The following PKP2 variants were observed in gnomAD, a reference collection of about 807,000 sequenced individuals.
PKP2 encodes plakophilin-2.
In PKP2, 73 loss-of-function variants were observed where a neutral mutation model predicts 83.4. The observed-to-expected ratio is 0.88, with a 90% CI of 0.72 to 1.06. The LOEUF (loss-of-function observed/expected upper bound fraction) is 1.06, where lower values mean the gene tolerates loss of function less well. Among genes scored for constraint, PKP2 ranks in the 50% least tolerant of loss-of-function variants. The pLI is 0.00. For missense variants in PKP2, 966 were observed against 1,065.4 expected (o/e 0.91, Z 1.30); for synonymous variants, 409 against 430.4 (o/e 0.95, Z 0.62).
chr12:32,851,042 C>A (rs750994778), intron 4 of PKP2, 69 bp from the exon 5 acceptor site: 1 of 1,276,072 alleles, frequency 7.8e-7, no homozygotes, highest in Admixed American at 1.7e-5. Context: ...CAATGTAATA[C>A]AAACAGATGA....
intron 6 of PKP2, among the ~76,000 whole-genome samples, chr12:32,836,725 G>T (rs1237681671): frequency 6.6e-6 from 1 of 152,026 alleles, no homozygotes; most frequent in Non-Finnish European, 1.5e-5. Flanking sequence ...TAAGATATTC[G>T]GTAACATTCA....
At chr12:32,805,109 G>A (rs1442867958) in intron 9 of PKP2, among the ~76,000 whole-genome samples, 1 of 151,336 alleles carries the variant, frequency 6.6e-6, no homozygotes, top group East Asian at 1.9e-4. Context: ...CTTTTGAGAA[G>A]AGTCTGTTCA....
At chr12:32,868,891 T>C in intron 4 of PKP2, 36 bp downstream of exon 4, 2 of 1,603,734 alleles carry the variant, frequency 1.2e-6, no homozygotes, top group South Asian at 1.1e-5. Context: ...AGTGAAAGTG[T>C]GTTGCGCTTT....
intron 9 of PKP2, among the ~76,000 whole-genome samples, chr12:32,817,195 T>G (rs1956328228): frequency 6.6e-6 from 1 of 152,196 alleles, no homozygotes; most frequent in South Asian, 2.1e-4. Context: ...GGACTCCCTA[T>G]TCAATAAATG....
chr12:32,851,594 G>A (rs1041294493), intron 4 of PKP2, among the ~76,000 whole-genome samples: 5 of 151,946 alleles, frequency 3.3e-5, no homozygotes, highest in African/African-American at 1.2e-4. Flanking sequence ...TCAGCCTCCT[G>A]GGTAGCTGGG....
chr12:32,838,244 A>G (rs1299428461), intron 6 of PKP2, among the ~76,000 whole-genome samples: 1 of 152,178 alleles, frequency 6.6e-6, no homozygotes, highest in Non-Finnish European at 1.5e-5. Flanking sequence ...CAAATATCAC[A>G]TGTTCTCACT....
chr12:32,827,959 C>T (rs1253513725), intron 6 of PKP2, among the ~76,000 whole-genome samples: 1 of 152,088 alleles, frequency 6.6e-6, no homozygotes, highest in Non-Finnish European at 1.5e-5. Context: ...AAAACAGGTC[C>T]TTAGGGGTTG....
intron 4 of PKP2, among the ~76,000 whole-genome samples, chr12:32,853,083 C>CA (rs934006837): frequency 2.6e-5 from 4 of 151,468 alleles, no homozygotes; most frequent in Admixed American, 6.6e-5. Context: ...GACTCCATCT[C>CA]AAAAAAAATA....
chr12:32,805,258 G>C (rs948393607), intron 9 of PKP2, among the ~76,000 whole-genome samples: 8 of 151,748 alleles, frequency 5.3e-5, no homozygotes, highest in African/African-American at 1.9e-4. Context: ...TAGGTTGTCT[G>C]TTCACTCTGA....
At chr12:32,842,305 T>G (rs902954169) in intron 5 of PKP2, among the ~76,000 whole-genome samples, 1 of 152,156 alleles carries the variant, frequency 6.6e-6, no homozygotes, top group African/African-American at 2.4e-5. Flanking sequence ...AGTGGTGGCT[T>G]GATCTCGGTT....
At chr12:32,794,425 T>A (rs1956102878) in intron 11 of PKP2, among the ~76,000 whole-genome samples, 1 of 152,142 alleles carries the variant, frequency 6.6e-6, no homozygotes, top group African/African-American at 2.4e-5. Flanking sequence ...AACACTCTAG[T>A]AAGGAAAGAG....
intron 6 of PKP2, among the ~76,000 whole-genome samples, chr12:32,839,477 G>A (rs770402699): frequency 1.3e-5 from 2 of 148,594 alleles, no homozygotes; most frequent in Non-Finnish European, 3.0e-5. Flanking sequence ...AGCCCACTAT[G>A]AAAAAAGAAG....
chr12:32,843,460 CA>C, intron 5 of PKP2: 1 of 563,366 alleles, frequency 1.8e-6, no homozygotes, highest in Non-Finnish European at 3.3e-6. Context: ...AATTACTCAG[CA>C]TACTTATATT....
chr12:32,887,256 A>G (rs1248813167), intron 1 of PKP2, among the ~76,000 whole-genome samples: 18 of 152,170 alleles, frequency 1.2e-4, no homozygotes, highest in Non-Finnish European at 2.5e-4. Context: ...TGGGCCACAC[A>G]TACCACATGC....
At chr12:32,862,319 G>T (rs1377803217) in intron 4 of PKP2, among the ~76,000 whole-genome samples, 2 of 152,202 alleles carry the variant, frequency 1.3e-5, no homozygotes, top group Non-Finnish European at 2.9e-5. Flanking sequence ...ATGCAGGTTT[G>T]CTGGTGATGA....
intron 5 of PKP2, among the ~76,000 whole-genome samples, chr12:32,848,429 A>C (rs1043275899): frequency 6.6e-6 from 1 of 152,220 alleles, no homozygotes; most frequent in African/African-American, 2.4e-5. Context: ...TGTCTCAAAA[A>C]GAAAAAGAGA....
intron 4 of PKP2, among the ~76,000 whole-genome samples, chr12:32,855,941 C>T (rs899137035): frequency 5.9e-5 from 9 of 151,688 alleles, no homozygotes; most frequent in Admixed American, 3.9e-4. Context: ...GTATTTATTT[C>T]GATTTAAAAA....
rs397516991 is a variant in PKP2 at position 32,896,720 on chromosome 12, G to A, written c.12C>T (p.Pro4=). 4.0e-5 allele frequency: 59 copies of A among 1,461,616 alleles called. No homozygotes were observed. The highest frequency in any genetic ancestry group is 1.6e-4 in the Admixed American group (7 of 43,510). The allele number at this position is 1,461,616 out of a possible 1,614,324, so 90.5% of individuals were successfully genotyped here. The change falls in exon 1 of 13, where the codon CCC becomes CCT. Residue 4 remains proline, a synonymous_variant. Coordinates refer to ENST00000340811, the MANE Select transcript of PKP2 (RefSeq NM_001005242.3). ...TGTAGCCGTACTCAGCTGGGGCGCC[G>A]GGGGCTGCCATGGGGCCGGTGGGGG... MAA[P]GAPAEYGYIR... is the part of the protein sequence containing the mutation.
chr12:32,792,785 G>A lies in PKP2; in HGVS notation c.2358-54C>T, dbSNP rs1424721560. 2.8e-6 allele frequency: 4 copies of A among 1,420,756 alleles called. No individual in the cohort carries two copies. The Admixed American group carries it at 6.7e-5, about 24-fold the overall frequency. The allele number at this position is 1,420,756 out of a possible 1,614,324, so 88.0% of individuals were successfully genotyped here. On this transcript the variant is annotated intron_variant, in intron 11 of 12. Transcript: ENST00000340811. ...GGGAGAATGAGTGAGGCTTCTGGAT[G>A]CGGCCTGTGGGTGTTCTGTAAGACC...
Sources: allele counts gnomAD v4.1 joint callset (sites outside exome capture counted in the v4.1 genomes callset), GRCh38; gene constraint gnomAD v4.1.1; transcripts MANE v1.5; gene names NCBI Gene and HGNC (gene_info 2026-07-23, HGNC 2026-07-21).